The following SLC12A3 variants were observed in gnomAD, a reference collection of about 807,000 sequenced individuals.
The protein encoded by SLC12A3 is solute carrier family 12 member 3.
Under a neutral mutation model 121.0 loss-of-function variants are expected in SLC12A3, and 104 were observed. The observed-to-expected ratio is 0.86, with a 90% CI of 0.73 to 1.01. SLC12A3 has a LOEUF of 1.01. Among genes scored for constraint, SLC12A3 ranks in the 50% least tolerant of loss-of-function variants. The probability of loss-of-function intolerance (pLI) is 0.00; values close to 1 mark genes in which losing one functional copy is unlikely to be tolerated. For synonymous variants in SLC12A3, 536 were observed against 533.4 expected, an observed-to-expected ratio of 1.00 and a Z score of -0.07; for missense variants, 1,328 against 1,356.3, an observed-to-expected ratio of 0.98 and a Z score of 0.33.
intron 3 of SLC12A3, among the ~76,000 whole-genome samples, chr16:56,869,227 T>A (rs1168820322): frequency 1.3e-5 from 2 of 152,192 alleles, no homozygotes; most frequent in African/African-American, 4.8e-5. Context: ...TACTTTATTT[T>A]TTATTATTAA....
intron 25 of SLC12A3, among the ~76,000 whole-genome samples, chr16:56,910,213 AC>A (rs1300148996): frequency 1.3e-5 from 2 of 151,996 alleles, no homozygotes; most frequent in Admixed American, 6.6e-5. Flanking sequence ...TCACTCTGTC[AC>A]CCAGGCTGGA....
chr16:56,880,932 T>A (rs377530413), intron 12 of SLC12A3, among the ~76,000 whole-genome samples: 2 of 152,244 alleles, frequency 1.3e-5, no homozygotes, highest in East Asian at 3.8e-4. Context: ...AGAGACCACC[T>A]GTGCAGGAAG....
At chr16:56,877,902 T>C (rs1489634012) in intron 8 of SLC12A3, among the ~76,000 whole-genome samples, 175 bp from the exon 9 acceptor site, 2 of 152,204 alleles carry the variant, frequency 1.3e-5, no homozygotes, top group Non-Finnish European at 2.9e-5. Context: ...GGCTCCTTCC[T>C]CTCTGTGCTG....
At chr16:56,904,980 G>T in intron 25 of SLC12A3, 1 of 221,848 alleles carries the variant, frequency 4.5e-6, no homozygotes, top group South Asian at 7.2e-5. Flanking sequence ...GCAGAATGTG[G>T]GATGGAAGGT....
chr16:56,886,356 C>T lies in SLC12A3; in HGVS notation c.1926-8C>T. 1.2e-6 allele frequency: 2 copies of T among 1,608,352 alleles called. No individual in the cohort carries two copies. Among genetic ancestry groups the T allele is most frequent in the South Asian group, 1.1e-5 (1 of 90,970 alleles). ...GATGGCTCCTGCCCTTTTCCCTTCC[C>T]TCCTCAGCCCCCAGTGCCTGGTGCT... On this transcript the variant is annotated splice_region_variant and splice_polypyrimidine_tract_variant and intron_variant, in intron 15 of 25. Transcript: ENST00000563236.
In SLC12A3 at chr16:56,887,972, C is replaced by G; in HGVS notation, c.2226C>G (p.Phe742Leu). The change falls in exon 18 of 26, where the codon TTC becomes TTG. Residue 742 changes from phenylalanine to leucine, a missense_variant. By Grantham distance (22) the Phe-to-Leu change is conservative. Coordinates refer to ENST00000563236, the MANE Select transcript of SLC12A3 (RefSeq NM_001126108.2). ...AGCCCAACATTCTGGTGGTTGGGTT[C>G]AAGAAGAACTGGCAGTCGGCTCACC... is the stretch of plus-strand genomic sequence containing the variant. ...RMKPNILVVGFKKNWQSAHPA... is the reference protein window; with the variant it reads ...RMKPNILVVGLKKNWQSAHPA... 2 of 1,612,684 alleles carry G rather than the reference C, an allele frequency of 1.2e-6. No homozygotes were observed. The highest frequency in any genetic ancestry group is 1.7e-6 in the Non-Finnish European group (2 of 1,179,322).
intron 22 of SLC12A3, among the ~76,000 whole-genome samples, chr16:56,898,328 G>A (rs1423503362): frequency 2.6e-5 from 4 of 151,962 alleles, no homozygotes; most frequent in South Asian, 2.1e-4. Flanking sequence ...GAGTGCAGTC[G>A]GCTCACTGCA....
In SLC12A3 at chr16:56,885,232, G is replaced by A; in HGVS notation, c.1826-33G>A. ...GTTTCCTCTAGTGATTCCTAACTCT[G>A]CTCTCACCCCCGTTGCTCCCTTGCT... On this transcript the variant is annotated intron_variant, in intron 14 of 25. Transcript: ENST00000563236. 3 of 1,264,506 alleles carry A rather than the reference G, an allele frequency of 2.4e-6. No homozygotes were observed. In the South Asian group the frequency reaches 3.8e-5, roughly 16 times the overall value. The allele number at this position is 1,264,506 out of a possible 1,614,324, so 78.3% of individuals were successfully genotyped here.
intron 4 of SLC12A3, 70 bp from the exon 5 acceptor site, chr16:56,870,026 C>G (rs1266797103): frequency 1.3e-6 from 2 of 1,597,230 alleles, no homozygotes; most frequent in Non-Finnish European, 1.7e-6. Context: ...CTCCTGGCCT[C>G]TGCCTGCCCT....
chr16:56,877,664 G>A (rs2055180523), intron 8 of SLC12A3, among the ~76,000 whole-genome samples: 1 of 152,198 alleles, frequency 6.6e-6, no homozygotes, highest in South Asian at 2.1e-4. Context: ...ACAGCCCCCT[G>A]CCCAGCTGGC....
At chr16:56,883,900 A>G (rs1329758999) in intron 13 of SLC12A3, 149 bp from the exon 14 acceptor site, 1 of 752,870 alleles carries the variant, frequency 1.3e-6, no homozygotes, top group Non-Finnish European at 2.2e-6. Flanking sequence ...CCCAGGAGGC[A>G]GGGTGGGTGG....
At chr16:56,873,870 C>A (rs1450474163) in intron 8 of SLC12A3, among the ~76,000 whole-genome samples, 1 of 151,518 alleles carries the variant, frequency 6.6e-6, no homozygotes, top group African/African-American at 2.4e-5. Flanking sequence ...TGCCACCACG[C>A]CTAACTAATT....
chr16:56,874,201 ATGTTTGT>A (rs2055138659), intron 8 of SLC12A3, among the ~76,000 whole-genome samples: 3 of 152,246 alleles, frequency 2.0e-5, no homozygotes, highest in Admixed American at 1.3e-4. Flanking sequence ...TGCTCTGTAC[ATGTTTGT>A]TGACTGAATC....
At chr16:56,872,830 G>T (rs1210470309) in intron 8 of SLC12A3, 44 bp downstream of exon 8, 1 of 1,612,736 alleles carries the variant, frequency 6.2e-7, no homozygotes, top group South Asian at 1.1e-5. Context: ...CACTGCACAG[G>T]GGCTATGAGC....
Position 56,868,492 on chromosome 16 carries a change from C to T in SLC12A3, c.505+120C>T, listed in dbSNP as rs1596888179. ...CAGGATTAAACTTGAGGTGCAGAGA[C>T]CAAACGGCCAGGCCTTCTCCTCCCT... is the stretch of plus-strand genomic sequence containing the variant. On this transcript the variant is annotated intron_variant, in intron 3 of 25. Coordinates refer to ENST00000563236, the MANE Select transcript of SLC12A3 (RefSeq NM_001126108.2). 5 of 986,510 alleles carry T rather than the reference C, an allele frequency of 5.1e-6. No individual in the cohort carries two copies. In the East Asian group the frequency reaches 1.3e-4, roughly 26 times the overall value. 61.1% of individuals were successfully genotyped at this position (986,510 alleles called of 1,614,324 possible). A position where few individuals can be genotyped will look rare whatever the true frequency, so the allele number is the denominator to read the frequency against.
chr16:56,880,706 G>A (rs2055229255), intron 12 of SLC12A3, among the ~76,000 whole-genome samples: 1 of 152,154 alleles, frequency 6.6e-6, no homozygotes, highest in African/African-American at 2.4e-5. Flanking sequence ...AGTTCCAAGG[G>A]CCTAGGGCTT....
At position 56,913,265 on chromosome 16, in the gene SLC12A3, A is replaced by C. The variant is rs759635300; in HGVS notation, c.2926A>C (p.Thr976Pro). The C allele has an allele frequency of 1.2e-5, 20 of 1,613,998 alleles. No homozygotes were observed. The highest frequency in any genetic ancestry group is 3.3e-5 in the Admixed American group (2 of 60,002). The change falls in exon 26 of 26, where the codon ACT (threonine) becomes CCT (proline). Residue 976 changes from threonine to proline, a missense_variant and splice_region_variant. Transcript: ENST00000563236. Reference protein sequence around the residue: ...YSRDAALIVITLPIGRKGKCP... With the variant: ...YSRDAALIVIPLPIGRKGKCP... ...CTACCACTTTTTCATGCCTTGCAGCACTTTGCCCATAGGGAGGAAGGGGAA... is the reference window on the plus strand; with the variant it reads ...CTACCACTTTTTCATGCCTTGCAGCCCTTTGCCCATAGGGAGGAAGGGGAA...
chr16:56,904,473 C>T lies in SLC12A3; in HGVS notation c.2924+11C>T. On this transcript the variant is annotated intron_variant, in intron 25 of 25. Transcript: ENST00000563236. ...TGCTCTCATCGTCATGTAAGTAGTG[C>T]CCGGCTGGTGGGAGGACCAGTCTGT... The T allele has an allele frequency of 6.2e-7, 1 of 1,612,952 alleles. No individual in the cohort carries two copies. Among genetic ancestry groups the T allele is most frequent in the Non-Finnish European group, 8.5e-7 (1 of 1,179,038 alleles).
chr16:56,886,086 C>T (rs867938780), intron 15 of SLC12A3, among the ~76,000 whole-genome samples: 2 of 152,234 alleles, frequency 1.3e-5, no homozygotes, highest in African/African-American at 4.8e-5. Context: ...TTCTTTCCCC[C>T]ACCATGCTGG....
Sources: allele counts gnomAD v4.1 joint callset (sites outside exome capture counted in the v4.1 genomes callset), GRCh38; gene constraint gnomAD v4.1.1; transcripts MANE v1.5; gene names NCBI Gene and HGNC (gene_info 2026-07-23, HGNC 2026-07-21).